Variants in PTPRK observed in about 807,000 individuals in gnomAD.
The protein encoded by PTPRK is protein tyrosine phosphatase receptor type K.
PTPRK carries 75 observed loss-of-function variants against 178.0 expected under a neutral mutation model. That is an observed-to-expected ratio of 0.42 (90% confidence interval 0.35 to 0.51). PTPRK has a LOEUF of 0.51. PTPRK is among the 20% of genes least tolerant of loss of function. The pLI is 0.02. For synonymous variants in PTPRK, 637 were observed against 620.6 expected (o/e 1.03, Z -0.39); for missense variants, 1,441 against 1,797.8 (o/e 0.80, Z 3.59).
chr6:128,069,568 T>C (rs1412944993), intron 11 of PTPRK, among the ~76,000 whole-genome samples: 3 of 152,190 alleles, frequency 2.0e-5, no homozygotes, highest in African/African-American at 7.2e-5. Context: ...GTCCTGTGGA[T>C]ACATCCACAT....
At chr6:128,520,079 G>A (rs1234131958) in intron 1 of PTPRK, among the ~76,000 whole-genome samples, 180 bp downstream of exon 1, 2 of 152,168 alleles carry the variant, frequency 1.3e-5, no homozygotes, top group Non-Finnish European at 2.9e-5. Context: ...GGAACAATGG[G>A]TGCCCCGCGT....
intron 1 of PTPRK, among the ~76,000 whole-genome samples, chr6:128,461,690 C>T (rs1849072668): frequency 6.6e-6 from 1 of 152,148 alleles, no homozygotes; most frequent in African/African-American, 2.4e-5. Flanking sequence ...GTGCAACAAT[C>T]ACCACTCTCT....
intron 1 of PTPRK, among the ~76,000 whole-genome samples, chr6:128,413,125 A>G (rs1245371915): frequency 6.6e-6 from 1 of 152,206 alleles, no homozygotes; most frequent in Non-Finnish European, 1.5e-5. Context: ...CTATTTGAGA[A>G]TATCTGTATT....
chr6:128,205,242 C>G (rs1329437593), intron 6 of PTPRK, among the ~76,000 whole-genome samples: 1 of 152,058 alleles, frequency 6.6e-6, no homozygotes, highest in Non-Finnish European at 1.5e-5. Flanking sequence ...AGGGGAACAA[C>G]ACACACTGGG....
chr6:128,239,758 A>G (rs1369748246), intron 5 of PTPRK, among the ~76,000 whole-genome samples: 1 of 152,240 alleles, frequency 6.6e-6, no homozygotes, highest in Non-Finnish European at 1.5e-5. Flanking sequence ...AAATGGATCT[A>G]CAGAATTTTT....
chr6:128,519,919 C>T lies in PTPRK; in HGVS notation c.100+340G>A, dbSNP rs945564406. Among the ~76,000 whole-genome samples the T allele has an allele frequency of 2.0e-5, 3 of 152,182 alleles. No individual in the cohort carries two copies. Among genetic ancestry groups the T allele is most frequent in the African/African-American group, 7.2e-5 (3 of 41,452 alleles). On this transcript the variant is annotated intron_variant, in intron 1 of 29. Coordinates refer to ENST00000368226, the MANE Select transcript of PTPRK (RefSeq NM_002844.4). The surrounding 1 kb of genome is among the most constrained non-coding windows in gnomAD (Gnocchi z 4.3). ...GACAGCAACAAACCCGCACCACAAG[C>T]AACAGAGTGCCGTCACGGGAGTCGT...
chr6:127,991,406 A>G lies in PTPRK; in HGVS notation c.2882-15T>C. ...ATGAACGGGACCTACAAAGAAATTA[A>G]TTTGAATATTATGTTATCAAAGGAA... On this transcript the variant is annotated splice_polypyrimidine_tract_variant and intron_variant, in intron 19 of 29. Coordinates refer to ENST00000368226, the MANE Select transcript of PTPRK (RefSeq NM_002844.4). The G allele has an allele frequency of 6.5e-7, 1 of 1,545,292 alleles. No individual in the cohort carries two copies. Among genetic ancestry groups the G allele is most frequent in the Non-Finnish European group, 8.7e-7 (1 of 1,143,274 alleles).
chr6:127,983,226 A>G lies in PTPRK; in HGVS notation c.3387+16T>C. ...TAAAAAATAAAAAAAAGTCCACTACAGGTAAATCTACATACCTCTGTCTGG... is the reference window on the plus strand; with the variant it reads ...TAAAAAATAAAAAAAAGTCCACTACGGGTAAATCTACATACCTCTGTCTGG... On this transcript the variant is annotated intron_variant, in intron 23 of 29. Transcript: ENST00000368226. 6.4e-7 allele frequency: 1 copy of G among 1,574,140 alleles called. No individual in the cohort carries two copies.
chr6:128,203,808 T>C (rs6930547), intron 6 of PTPRK, among the ~76,000 whole-genome samples: 6,675 of 152,238 alleles, frequency 0.044, 398 homozygotes, highest in East Asian at 0.31. Flanking sequence ...TCCATGCTCA[T>C]GGACAGGAAG....
At chr6:128,329,155 C>T (rs1285545924) in intron 2 of PTPRK, among the ~76,000 whole-genome samples, 3 of 152,134 alleles carry the variant, frequency 2.0e-5, no homozygotes, top group Admixed American at 1.3e-4. Context: ...TTTTATCGCT[C>T]TGCTCTAATG....
At position 128,170,621 on chromosome 6, in the gene PTPRK, G is replaced by A. The variant is rs1800096334; in HGVS notation, c.1162+13811C>T. 2.0e-5 allele frequency among the ~76,000 whole-genome samples: 3 copies of A among 151,836 alleles called. No individual in the cohort carries two copies. In the South Asian group the frequency reaches 6.2e-4, roughly 31 times the overall value. On this transcript the variant is annotated intron_variant, in intron 7 of 29. Transcript: ENST00000368226. ...TTGGGAGCTAGCACTGAGAATTCAT[G>A]GTCATCTCTTAAATTAACAACTGTT...
intron 1 of PTPRK, among the ~76,000 whole-genome samples, chr6:128,482,843 C>T (rs1332839341): frequency 6.6e-6 from 1 of 152,142 alleles, no homozygotes; most frequent in Admixed American, 6.5e-5. Context: ...GCATCTGTCT[C>T]TTACAAGCAA....
intron 1 of PTPRK, among the ~76,000 whole-genome samples, chr6:128,438,188 C>A (rs1430182009): frequency 6.6e-6 from 1 of 152,236 alleles, no homozygotes; most frequent in East Asian, 1.9e-4. Context: ...ACATCACAGA[C>A]GTTTCTCAAA....
intron 3 of PTPRK, among the ~76,000 whole-genome samples, chr6:128,257,228 CAAA>C (rs748718428): frequency 1.7e-5 from 2 of 120,946 alleles, no homozygotes; most frequent in Admixed American, 8.5e-5. Context: ...AAACTCCATC[CAAA>C]AAAAAAAAAA....
chr6:128,060,547 A>C (rs116158863), intron 13 of PTPRK, among the ~76,000 whole-genome samples: 2 of 152,152 alleles, frequency 1.3e-5, no homozygotes, highest in South Asian at 4.1e-4. Context: ...GGTCCTTCAC[A>C]TTGAAATGTG....
chr6:128,400,632 A>G (rs1393274605), intron 1 of PTPRK, among the ~76,000 whole-genome samples: 1 of 152,186 alleles, frequency 6.6e-6, no homozygotes, highest in Admixed American at 6.5e-5. Context: ...ACCTTGTAAC[A>G]GAGAGCGCAT....
chr6:128,194,109 G>A (rs972723175), intron 6 of PTPRK, among the ~76,000 whole-genome samples: 2 of 146,816 alleles, frequency 1.4e-5, no homozygotes, highest in East Asian at 2.1e-4. Context: ...ATTAGGAAAC[G>A]GAGTCTTGCT....
chr6:128,054,943 T>C (rs1779650259), intron 13 of PTPRK, among the ~76,000 whole-genome samples: 1 of 152,170 alleles, frequency 6.6e-6, no homozygotes, highest in African/African-American at 2.4e-5. Context: ...TAGGATTCCA[T>C]GTTTCTAAAA....
At chr6:127,991,526 T>A in intron 19 of PTPRK, 135 bp from the exon 20 acceptor site, 1 of 518,440 alleles carries the variant, frequency 1.9e-6, no homozygotes, top group Non-Finnish European at 3.1e-6. Flanking sequence ...TGAAAATACT[T>A]AAATTCAGTT....
Sources: gnomAD v4.1 joint callset for allele counts (sites outside exome capture counted in the v4.1 genomes callset) on GRCh38, gnomAD v4.1.1 for gene constraint, Gnocchi (gnomAD v3.1) non-coding constraint, MANE v1.5 for transcripts, NCBI Gene and HGNC (gene_info 2026-07-23, HGNC 2026-07-21) for gene names.